Variants in SMG6 observed in about 807,000 individuals in gnomAD.
The protein encoded by SMG6 is telomerase-binding protein EST1A.
SMG6 carries 66 observed loss-of-function variants against 142.2 expected under a neutral mutation model. That is an observed-to-expected ratio of 0.46 (90% CI 0.38 to 0.57). SMG6 has a LOEUF of 0.57. Ranked by LOEUF, SMG6 falls within the 20% of genes least tolerant of loss-of-function variation. The pLI is 0.00. For synonymous variants in SMG6, 779 were observed against 702.4 expected (o/e 1.11, Z -1.72); for missense variants, 1,793 against 1,832.0 (o/e 0.98, Z 0.39).
At chr17:2,303,177 C>A (rs1313185244) in intron 1 of SMG6, 1 of 985,356 alleles carries the variant, frequency 1.0e-6, no homozygotes, top group African/African-American at 1.7e-5. Flanking sequence ...AAAAGTTCAG[C>A]AACGAAGTCG....
At chr17:2,066,652 TACACACACACACACACACACACACACAC>T (rs1161956483) in intron 16 of SMG6, among the ~76,000 whole-genome samples, 2 of 119,490 alleles carry the variant, frequency 1.7e-5, no homozygotes, top group African/African-American at 6.5e-5. Flanking sequence ...CATGTGGGAA[TACACACACACACACACACACACACACAC>T]ACACACACAC....
intron 8 of SMG6, among the ~76,000 whole-genome samples, chr17:2,281,692 C>T (rs62066962): frequency 0.023 from 3,503 of 152,302 alleles, 57 homozygotes; most frequent in East Asian, 0.074. Context: ...CATCCAATAG[C>T]TTCCTACTAT....
chr17:2,061,431 C>T lies in SMG6; in HGVS notation c.*61G>A. On this transcript the variant is annotated 3_prime_UTR_variant, in exon 19 of 19. Coordinates refer to ENST00000263073, the MANE Select transcript of SMG6 (RefSeq NM_017575.5). ...GCACGTGGGCATCTTCCGTGCTACA[C>T]TGGGCGCCTGGTGGCCTTTCAGGAA... is the stretch of plus-strand genomic sequence containing the variant. The T allele has an allele frequency of 2.0e-6, 3 of 1,500,940 alleles. No individual in the cohort carries two copies. The highest frequency in any genetic ancestry group is 2.7e-6 in the Non-Finnish European group (3 of 1,118,696). The allele number at this position is 1,500,940 out of a possible 1,614,324, so 93.0% of individuals were successfully genotyped here.
chr17:2,075,263 G>A (rs2068225810), intron 15 of SMG6, among the ~76,000 whole-genome samples: 1 of 133,110 alleles, frequency 7.5e-6, no homozygotes, highest in Non-Finnish European at 1.6e-5. Context: ...AATTTAGAGT[G>A]GAACTCCTGG....
In SMG6 at chr17:2,299,757, A is replaced by C. The variant is rs2075231495; in HGVS notation, c.996T>G (p.Ser332=). 4 of 1,614,046 alleles carry C rather than the reference A, an allele frequency of 2.5e-6. No homozygotes were observed. The highest frequency in any genetic ancestry group is 3.4e-6 in the Non-Finnish European group (4 of 1,180,036). ...TTTTCTGCTCACCCTCCCCACGGCC[A>C]GACCAGTTTCTTTCTAAATGTCTCT... ...ERKRHLERNW[S]GRGEGEQKNS... Residue 332 remains serine, a synonymous_variant, in exon 2 of 19, where the codon TCT becomes TCG. Transcript: ENST00000263073. This position sits in a 1 kb window ranked among gnomAD's most constrained non-coding sequence, Gnocchi z 4.3.
intron 13 of SMG6, among the ~76,000 whole-genome samples, chr17:2,095,440 T>C (rs1327648598): frequency 6.6e-6 from 1 of 152,218 alleles, no homozygotes. Flanking sequence ...GAGACATCTG[T>C]AGTCTTCAAC....
intron 13 of SMG6, among the ~76,000 whole-genome samples, chr17:2,121,480 C>T (rs1474866502): frequency 6.6e-6 from 1 of 151,908 alleles, no homozygotes; most frequent in Non-Finnish European, 1.5e-5. Flanking sequence ...AAAATCAGAA[C>T]AGAGCTTGCC....
At chr17:2,113,271 G>C (rs1337193507) in intron 13 of SMG6, among the ~76,000 whole-genome samples, 1 of 151,774 alleles carries the variant, frequency 6.6e-6, no homozygotes, top group Non-Finnish European at 1.5e-5. Flanking sequence ...TGTAGAGATA[G>C]GGCCTATTTG....
chr17:2,192,527 G>A (rs2072195332), intron 10 of SMG6, among the ~76,000 whole-genome samples: 1 of 152,168 alleles, frequency 6.6e-6, no homozygotes, highest in Non-Finnish European at 1.5e-5. Flanking sequence ...ACTAAGAGCT[G>A]GAGAAAAACG....
intron 13 of SMG6, among the ~76,000 whole-genome samples, chr17:2,155,220 C>G (rs992309185): frequency 1.3e-5 from 2 of 151,984 alleles, no homozygotes. Flanking sequence ...CGCCACCATG[C>G]CCGGCTACTT....
At chr17:2,220,873 T>C (rs1406866581) in intron 10 of SMG6, among the ~76,000 whole-genome samples, 2 of 152,188 alleles carry the variant, frequency 1.3e-5, no homozygotes, top group Non-Finnish European at 2.9e-5. Flanking sequence ...CTGCCAGAAG[T>C]TGGTTTCTAC....
In SMG6 at chr17:2,258,038, T is replaced by C. The variant is rs74735953; in HGVS notation, c.2662-13319A>G. On this transcript the variant is annotated intron_variant, in intron 8 of 18. Coordinates refer to ENST00000263073, the MANE Select transcript of SMG6 (RefSeq NM_017575.5). ...AAAAAAAAAAAAAAAAAAAAAAATA[T>C]ACACACACACACACACACACACACA... 3.1e-3 allele frequency among the ~76,000 whole-genome samples: 276 copies of C among 88,920 alleles called. 7 individuals are homozygous for C. The highest frequency in any genetic ancestry group is 8.9e-3 in the African/African-American group (190 of 21,286). The allele number at this position is 88,920 out of a possible 152,430, so 58.3% of individuals were successfully genotyped here.
intron 13 of SMG6, among the ~76,000 whole-genome samples, chr17:2,121,389 A>C (rs1485834384): frequency 6.6e-6 from 1 of 152,216 alleles, no homozygotes; most frequent in Non-Finnish European, 1.5e-5. Flanking sequence ...AAATGAAAAA[A>C]GCCTTTCTCA....
chr17:2,194,189 T>A (rs1532292), intron 10 of SMG6, among the ~76,000 whole-genome samples: 3 of 152,018 alleles, frequency 2.0e-5, no homozygotes, highest in Non-Finnish European at 2.9e-5. Context: ...ACGCAAGTAC[T>A]GTGTGTGCTG....
rs149089513 is a variant in SMG6, at chr17:2,249,108, T to C, written c.2662-4389A>G. The stretch of plus-strand genomic sequence containing the variant: ...TGGGGTTTCACCGTGTTAGCCAGGA[T>C]GGTCTCAATCTCCTGACCTTGTGAT... On this transcript the variant is annotated intron_variant, in intron 8 of 18. Transcript: ENST00000263073. 6.2e-3 allele frequency among the ~76,000 whole-genome samples: 942 copies of C among 151,994 alleles called. 19 individuals carry two copies. In the East Asian group the frequency reaches 0.07, roughly 11 times the overall value.
At chr17:2,223,803 T>C (rs760919790) in intron 10 of SMG6, among the ~76,000 whole-genome samples, 1 of 152,086 alleles carries the variant, frequency 6.6e-6, no homozygotes, top group Non-Finnish European at 1.5e-5. Flanking sequence ...GCCATAAGAC[T>C]GAGCTGTAAA....
chr17:2,147,717 G>GA (rs1255080957), intron 13 of SMG6, among the ~76,000 whole-genome samples: 1 of 152,104 alleles, frequency 6.6e-6, no homozygotes, highest in Non-Finnish European at 1.5e-5. Context: ...TTGTCATTAG[G>GA]AAAATGCAAA....
chr17:2,106,426 A>T (rs1322456992), intron 13 of SMG6, among the ~76,000 whole-genome samples: 1 of 152,120 alleles, frequency 6.6e-6, no homozygotes, highest in East Asian at 1.9e-4. Flanking sequence ...GGGGGAAAAG[A>T]GAGTCCTATA....
intron 9 of SMG6, chr17:2,237,580 T>C (rs1250518172): frequency 1.0e-6 from 1 of 985,404 alleles, no homozygotes; most frequent in East Asian, 1.1e-4. Flanking sequence ...GGGGTCTGTA[T>C]GTTTTCAGGC....
Sources: gnomAD v4.1 joint callset for allele counts (sites outside exome capture counted in the v4.1 genomes callset) on GRCh38, gnomAD v4.1.1 for gene constraint, Gnocchi (gnomAD v3.1) non-coding constraint, MANE v1.5 for transcripts, NCBI Gene and HGNC (gene_info 2026-07-23, HGNC 2026-07-21) for gene names.